TSC2: variants seen among roughly 807,000 people sequenced by gnomAD.
TSC2 encodes the protein tuberin.
A neutral mutation model predicts 202.2 loss-of-function variants in TSC2; 29 were observed. That is an observed-to-expected ratio of 0.14 (90% confidence interval 0.11 to 0.20). TSC2 has a LOEUF of 0.20. Ranked by LOEUF, TSC2 falls within the 10% of genes least tolerant of loss-of-function variation. TSC2 has a pLI of 1.00. For missense variants in TSC2, 2,429 were observed against 2,420.0 expected (o/e 1.00, Z -0.08); for synonymous variants, 1,349 against 1,044.0 (o/e 1.29, Z -5.63).
intron 13 of TSC2, 88 bp downstream of exon 13, chr16:2,062,688 C>A: frequency 2.2e-6 from 3 of 1,369,374 alleles, no homozygotes; most frequent in Non-Finnish European, 3.0e-6. Flanking sequence ...TCAGGATGCC[C>A]GATGAGCAGG....
chr16:2,053,306 GCA>G (rs768589350), intron 3 of TSC2, 34 bp from the exon 4 acceptor site: 107 of 1,549,080 alleles, frequency 6.9e-5, no homozygotes, highest in Non-Finnish European at 9.0e-5. Context: ...TTCTTGGAGA[GCA>G]CATCCTCACC....
intron 14 of TSC2, chr16:2,063,364 A>G (rs996827979): frequency 5.7e-6 from 3 of 527,300 alleles, no homozygotes; most frequent in Non-Finnish European, 6.9e-6. Context: ...CGTTTCAGCC[A>G]GTCTTGCATG....
intron 4 of TSC2, chr16:2,053,710 G>A (rs1211283553): frequency 1.6e-6 from 1 of 624,596 alleles, no homozygotes; most frequent in Non-Finnish European, 3.0e-6. Flanking sequence ...ATCATATGAG[G>A]CAGTTCTCGC....
At position 2,074,389 on chromosome 16, in the gene TSC2, A is replaced by T. The variant is rs781713438; in HGVS notation, c.2545A>T (p.Thr849Ser). 1 of 1,610,086 alleles carries T rather than the reference A, an allele frequency of 6.2e-7. No homozygotes were observed. Among genetic ancestry groups the T allele is most frequent in the Non-Finnish European group, 8.5e-7 (1 of 1,179,998 alleles). Residue 849 changes from threonine to serine, a missense_variant and splice_region_variant, in exon 22 of 42, where the codon ACT becomes TCT. By Grantham distance (58) the Thr-to-Ser change is moderately conservative. Transcript: ENST00000219476. ...CGTCCCACTGCTGGAGTTCCTGTCC[A>T]GTGAGTCCCCGCCCTGCCTGCGCAT... ...MAVPLLEFLS[T>S]LARLPHLYRN...
chr16:2,060,864 G>A (rs779176644), intron 11 of TSC2, 51 bp downstream of exon 11: 2 of 1,604,792 alleles, frequency 1.2e-6, no homozygotes, highest in African/African-American at 1.3e-5. Flanking sequence ...AGACAGGCAG[G>A]CTCGGCCCAC....
At position 2,088,709 on chromosome 16, in the gene TSC2, T is replaced by G. The variant is rs918995030; in HGVS notation, c.*99T>G. The G allele has an allele frequency of 1.4e-6, 2 of 1,458,206 alleles. No individual in the cohort carries two copies. The highest frequency in any genetic ancestry group is 1.8e-6 in the Non-Finnish European group (2 of 1,083,818). 90.3% of individuals were successfully genotyped at this position (1,458,206 alleles called of 1,614,324 possible). On this transcript the variant is annotated 3_prime_UTR_variant, in exon 42 of 42. Transcript: ENST00000219476. ...AGTGCACAGACATAGAGGCACAGAT[T>G]GCAGTCAGACAGCTCTTTTATTGAC...
At chr16:2,053,476 A>G in intron 4 of TSC2, 24 bp downstream of exon 4, 2 of 1,546,088 alleles carry the variant, frequency 1.3e-6, no homozygotes, top group Non-Finnish European at 1.7e-6. Context: ...CGACGCTGGG[A>G]TGGGTGACGT....
rs56279647 is a variant in TSC2 at position 2,088,881 on chromosome 16, GCA to G, written c.*288_*289del. ...ACAGCACACTCGCGCGTGCGCGCGC[GCA>G]CACACACACACACACAGTCACCTTC... On this transcript the variant is annotated 3_prime_UTR_variant, in exon 42 of 42. Transcript: ENST00000219476. 4,961 of 414,776 alleles carry G rather than the reference GCA, an allele frequency of 0.012. 23 individuals carry two copies. The highest frequency in any genetic ancestry group is 0.033 in the African/African-American group (1,465 of 44,576). The allele number at this position is 414,776 out of a possible 1,614,324, so 25.7% of individuals were successfully genotyped here.
chr16:2,072,219 C>T (rs2151314699), intron 19 of TSC2, 22 bp from the exon 20 acceptor site: 2 of 1,613,782 alleles, frequency 1.2e-6, no homozygotes. Context: ...AGGCCCTGTC[C>T]TGACGCCTCC....
At chr16:2,053,633 G>A (rs1294870335) in intron 4 of TSC2, 181 bp downstream of exon 4, 3 of 702,108 alleles carry the variant, frequency 4.3e-6, no homozygotes, top group African/African-American at 1.7e-5. Context: ...CTGTGTGACC[G>A]TAGGCACTGC....
intron 8 of TSC2, 82 bp downstream of exon 8, chr16:2,056,851 G>A (rs879929173): frequency 1.9e-6 from 3 of 1,589,890 alleles, no homozygotes; most frequent in African/African-American, 1.3e-5. Context: ...ATGAATGGTT[G>A]TCTGATTCTT....
chr16:2,056,197 A>G lies in TSC2; in HGVS notation c.601A>G (p.Met201Val), dbSNP rs1596275224. 1 of 1,613,890 alleles carries G rather than the reference A, an allele frequency of 6.2e-7. No individual in the cohort carries two copies. Among genetic ancestry groups the G allele is most frequent in the Non-Finnish European group, 8.5e-7 (1 of 1,180,024 alleles). Residue 201 changes from methionine (M) to valine (V), a missense_variant and splice_region_variant, in exon 7 of 42, where the codon ATG becomes GTG. Coordinates refer to ENST00000219476, the MANE Select transcript of TSC2 (RefSeq NM_000548.5). The stretch of plus-strand genomic sequence containing the variant: ...GACTGAGCTCGGTGCTCCCTGCAGG[A>G]TGATCTGTCTGCTGTGCGTCCGGAC... ...LDEYIARMVQ[M>V]ICLLCVRTAS...
intron 26 of TSC2, 106 bp downstream of exon 26, chr16:2,077,832 T>C: frequency 6.4e-7 from 1 of 1,572,652 alleles, no homozygotes; most frequent in Non-Finnish European, 8.6e-7. Flanking sequence ...TCTGCCCGTG[T>C]CCTCCCTGGC....
rs569908571 is a variant in TSC2, at chr16:2,056,304, C to T, written c.648+60C>T. ...CACCCTGGTTTCTGGGAGGCTGGGG[C>T]TTGGGGGTTGAGCCCTGTGTGCCAC... On this transcript the variant is annotated intron_variant, in intron 7 of 41. Transcript: ENST00000219476. The T allele has an allele frequency of 6.3e-5, 101 of 1,607,784 alleles. No individual in the cohort carries two copies. In the African/African-American group the frequency reaches 1.3e-3, roughly 20 times the overall value.
intron 10 of TSC2, among the ~76,000 whole-genome samples, chr16:2,059,535 A>ATTTT (rs1385851622): frequency 2.5e-5 from 2 of 79,672 alleles, no homozygotes; most frequent in Non-Finnish European, 2.5e-5. Context: ...TTTTTTTTTA[A>ATTTT]TGGGACAGAG....
Position 2,080,177 on chromosome 16 carries a change from T to C in TSC2, c.3410T>C (p.Leu1137Pro). The C allele has an allele frequency of 1.9e-6, 3 of 1,612,942 alleles. No homozygotes were observed. In the South Asian group the frequency reaches 3.3e-5, roughly 18 times the overall value. Reference protein sequence around the residue: ...RVRSMSGGHGLRVGALDVPAS... With the variant: ...RVRSMSGGHGPRVGALDVPAS... ...CCCTCTTCTTCAGGGGGCCATGGTC[T>C]TCGAGTTGGCGCCCTGGACGTGCCG... is the stretch of plus-strand genomic sequence containing the variant. Residue 1137 changes from leucine to proline, a missense_variant, in exon 30 of 42, where the codon CTT becomes CCT. Leu to Pro is a moderately conservative substitution (Grantham distance 98). Coordinates refer to ENST00000219476, the MANE Select transcript of TSC2 (RefSeq NM_000548.5).
At chr16:2,083,207 CCTCT>C (rs887944001) in intron 32 of TSC2, 3 of 458,856 alleles carry the variant, frequency 6.5e-6, no homozygotes, top group Admixed American at 4.7e-5. Context: ...GACCTCCCAC[CCTCT>C]CTCCTTAGCG....
intron 3 of TSC2, among the ~76,000 whole-genome samples, chr16:2,052,830 A>G (rs1475382826): frequency 2.6e-5 from 4 of 152,194 alleles, no homozygotes; most frequent in East Asian, 1.9e-4. Flanking sequence ...AAGGCCACGC[A>G]GCGCTCTTTC....
chr16:2,048,902 T>G (rs1233293697), intron 2 of TSC2, 149 bp downstream of exon 2: 1 of 1,147,382 alleles, frequency 8.7e-7, no homozygotes, highest in East Asian at 2.5e-5. Flanking sequence ...GACATGTCCT[T>G]CCTCAGGAGA....
Sources: gnomAD v4.1 joint callset for allele counts (sites outside exome capture counted in the v4.1 genomes callset) on GRCh38, gnomAD v4.1.1 for gene constraint, MANE v1.5 for transcripts, NCBI Gene and HGNC (gene_info 2026-07-23, HGNC 2026-07-21) for gene names.